Variants in IQGAP1 observed in about 807,000 individuals in gnomAD.
The protein encoded by IQGAP1 is ras GTPase-activating-like protein IQGAP1.
IQGAP1 carries 66 observed loss-of-function variants against 215.6 expected under a neutral mutation model. The observed-to-expected ratio is 0.31, with a 90% confidence interval of 0.25 to 0.38. The LOEUF is 0.38. Ranked by LOEUF, IQGAP1 falls within the 10% of genes least tolerant of loss-of-function variation. The probability of loss-of-function intolerance (pLI) is 1.00; values close to 1 mark genes in which losing one functional copy is unlikely to be tolerated. For missense variants in IQGAP1, 1,712 were observed against 1,997.1 expected (o/e 0.86, Z 2.72); for synonymous variants, 772 against 728.7 (o/e 1.06, Z -0.96).
At position 90,419,912 on chromosome 15, in the gene IQGAP1, G is replaced by A. The variant is rs532025432; in HGVS notation, c.156-6198G>A. Among the ~76,000 whole-genome samples, 9 of 152,284 alleles carry A rather than the reference G, an allele frequency of 5.9e-5. No individual in the cohort carries two copies. In the South Asian group the frequency reaches 1.9e-3, roughly 32 times the overall value. On this transcript the variant is annotated intron_variant, in intron 2 of 37. Coordinates refer to ENST00000268182, the MANE Select transcript of IQGAP1 (RefSeq NM_003870.4). Reference sequence around the variant, plus strand: ...CAGAGATGAGCAAAAGACGTGAGGGGGCAGAGATGATGTCTAACACTGCTA... The same window carrying A: ...CAGAGATGAGCAAAAGACGTGAGGGAGCAGAGATGATGTCTAACACTGCTA...
rs756914832 is a variant in IQGAP1 at position 90,466,456 on chromosome 15, A to T, written c.2035+20A>T. 3.1e-6 allele frequency: 5 copies of T among 1,612,894 alleles called. No homozygotes were observed. Among genetic ancestry groups the T allele is most frequent in the African/African-American group, 1.3e-5 (1 of 74,992 alleles). On this transcript the variant is annotated intron_variant, in intron 17 of 37. Transcript: ENST00000268182. ...CAGTAGGTGAGTTCTGGGATAATACATATGTGCCCTGAAGCTAACCCTTGA... is the reference window on the plus strand; with the variant it reads ...CAGTAGGTGAGTTCTGGGATAATACTTATGTGCCCTGAAGCTAACCCTTGA...
At chr15:90,473,095 A>G (rs1965928386) in intron 19 of IQGAP1, 85 bp downstream of exon 19, 4 of 1,330,600 alleles carry the variant, frequency 3.0e-6, no homozygotes, top group African/African-American at 1.5e-5. Context: ...TGACTGTCTG[A>G]GTGTGTTTTT....
intron 2 of IQGAP1, 183 bp downstream of exon 2, chr15:90,391,056 T>C: frequency 2.0e-6 from 1 of 509,234 alleles, no homozygotes; most frequent in Non-Finnish European, 3.6e-6. Flanking sequence ...GGCAACATAG[T>C]GACACCCCAT....
intron 3 of IQGAP1, among the ~76,000 whole-genome samples, chr15:90,428,952 C>A (rs1338883246): frequency 6.6e-6 from 1 of 152,094 alleles, no homozygotes; most frequent in Non-Finnish European, 1.5e-5. Context: ...CTCCCAGGTT[C>A]AACGATTCTC....
intron 13 of IQGAP1, 114 bp from the exon 14 acceptor site, chr15:90,454,314 C>T: frequency 8.0e-7 from 1 of 1,251,442 alleles, no homozygotes; most frequent in Non-Finnish European, 1.1e-6. Context: ...CTGTGCAGTT[C>T]CAAAACTGGT....
intron 18 of IQGAP1, among the ~76,000 whole-genome samples, chr15:90,470,496 G>A (rs1370271547): frequency 6.6e-6 from 1 of 152,072 alleles, no homozygotes; most frequent in African/African-American, 2.4e-5. Flanking sequence ...GCTGGCCCAA[G>A]GACTGTATTT....
intron 4 of IQGAP1, among the ~76,000 whole-genome samples, chr15:90,431,988 T>C (rs1243940850): frequency 6.6e-6 from 1 of 152,224 alleles, no homozygotes; most frequent in Non-Finnish European, 1.5e-5. Context: ...AGTCCTGTTT[T>C]CTTTAATTAT....
At position 90,483,409 on chromosome 15, in the gene IQGAP1, G is replaced by T; in HGVS notation, c.3604G>T (p.Ala1202Ser). Residue 1202 changes from alanine (A) to serine (S), a missense_variant, in exon 29 of 38, where the codon GCT becomes TCT. By Grantham distance (99) the Ala-to-Ser change is moderately conservative. Around this residue, in one of 2 missense-constraint regions of IQGAP1, gnomAD observed 691 missense variants for 923.0 expected, o/e 0.75. Transcript: ENST00000268182. Reference sequence around the variant, plus strand: ...TCGATACATGAATCCAGCCATTGTTGCTCCTGATGCCTTTGACATCATTGA... The same window carrying T: ...TCGATACATGAATCCAGCCATTGTTTCTCCTGATGCCTTTGACATCATTGA... ...YYRYMNPAIV[A>S]PDAFDIIDLS... 1 of 1,614,066 alleles carries T rather than the reference G, an allele frequency of 6.2e-7. No homozygotes were observed. The highest frequency in any genetic ancestry group is 8.5e-7 in the Non-Finnish European group (1 of 1,180,014).
chr15:90,492,746 G>A, intron 35 of IQGAP1, 35 bp downstream of exon 35: 1 of 1,557,134 alleles, frequency 6.4e-7, no homozygotes, highest in East Asian at 2.3e-5. Flanking sequence ...ATCAATGTCA[G>A]AATTAGAGTG....
At chr15:90,403,470 T>C (rs899118054) in intron 2 of IQGAP1, among the ~76,000 whole-genome samples, 1 of 152,232 alleles carries the variant, frequency 6.6e-6, no homozygotes, top group African/African-American at 2.4e-5. Context: ...ACAGACGTGA[T>C]ACATAATTCA....
rs148489814 is a variant in IQGAP1, at chr15:90,488,230, T to TAAATA, written c.4248+650_4248+651insATAAA. On this transcript the variant is annotated intron_variant, in intron 33 of 37. Transcript: ENST00000268182. ...AGCGAGACTCCGTCTCAAAAAATAA[T>TAAATA]AATAAATAAATAAATAAATAAATAA... 7.4e-3 allele frequency among the ~76,000 whole-genome samples: 1,087 copies of TAAATA among 147,680 alleles called. 13 individuals are homozygous for TAAATA. Among genetic ancestry groups the TAAATA allele is most frequent in the African/African-American group, 0.026 (1,033 of 39,942 alleles).
intron 33 of IQGAP1, among the ~76,000 whole-genome samples, chr15:90,488,738 T>G (rs1054582573): frequency 6.6e-6 from 1 of 151,978 alleles, no homozygotes; most frequent in African/African-American, 2.4e-5. Context: ...TGGAAAGGAT[T>G]TGGGTGTGCA....
In IQGAP1 at chr15:90,426,235, A is replaced by C. The variant is rs777037586; in HGVS notation, c.281A>C (p.Lys94Thr). 6.2e-7 allele frequency: 1 copy of C among 1,603,454 alleles called. No individual in the cohort carries two copies. Among genetic ancestry groups the C allele is most frequent in the Non-Finnish European group, 8.5e-7 (1 of 1,177,028 alleles). The stretch of plus-strand genomic sequence containing the variant: ...TCTCCCAAAGTAGTGTCCCTGAAAA[A>C]AATCTATGATCGAGAACAGACCAGA... ...FFSPKVVSLK[K>T]IYDREQTRYK... The change falls in exon 3 of 38, where the codon AAA becomes ACA. Residue 94 changes from lysine (K) to threonine (T), a missense_variant. Physicochemically the swap from Lys to Thr is moderately conservative, Grantham distance 78. Transcript: ENST00000268182.
intron 18 of IQGAP1, among the ~76,000 whole-genome samples, chr15:90,468,778 C>T (rs1044938088): frequency 1.6e-4 from 25 of 152,066 alleles, no homozygotes; most frequent in Non-Finnish European, 1.3e-4. Flanking sequence ...CTGTAACGAG[C>T]CATGATCACA....
At chr15:90,413,701 A>G (rs1441371877) in intron 2 of IQGAP1, among the ~76,000 whole-genome samples, 1 of 152,222 alleles carries the variant, frequency 6.6e-6, no homozygotes, top group Non-Finnish European at 1.5e-5. Flanking sequence ...TTCCTCAGAT[A>G]AGAAGTTTTG....
rs1993161 is a variant in IQGAP1 at position 90,425,084 on chromosome 15, C to G, written c.156-1026C>G. On this transcript the variant is annotated intron_variant, in intron 2 of 37. Coordinates refer to ENST00000268182, the MANE Select transcript of IQGAP1 (RefSeq NM_003870.4). ...CAGCACTTTGGGAGGCTGAGGTGGGCGGATCACTTGAGGTCAGGAGTTTGA... is the reference window on the plus strand; with the variant it reads ...CAGCACTTTGGGAGGCTGAGGTGGGGGGATCACTTGAGGTCAGGAGTTTGA... Among the ~76,000 whole-genome samples, 5 of 151,568 alleles carry G rather than the reference C, an allele frequency of 3.3e-5. No homozygotes were observed. In the South Asian group the frequency reaches 6.3e-4, roughly 19 times the overall value.
chr15:90,406,387 G>A (rs1046224430), intron 2 of IQGAP1, among the ~76,000 whole-genome samples: 2 of 152,194 alleles, frequency 1.3e-5, no homozygotes, highest in Non-Finnish European at 2.9e-5. Flanking sequence ...GGATAGTCTT[G>A]ATCTCCTGAC....
At chr15:90,405,135 C>T (rs1223829864) in intron 2 of IQGAP1, among the ~76,000 whole-genome samples, 1 of 151,956 alleles carries the variant, frequency 6.6e-6, no homozygotes, top group African/African-American at 2.4e-5. Context: ...GCTTTTTTGA[C>T]TTTTGAATCG....
rs951002276 is a variant in IQGAP1, at chr15:90,424,838, TA to T, written c.156-1259del. ...TGGGCAACAGAGTGAGACTCCAACT[TA>T]AAAAAAAAAAAATTGAGTGAAATAA... On this transcript the variant is annotated intron_variant, in intron 2 of 37. Coordinates refer to ENST00000268182, the MANE Select transcript of IQGAP1 (RefSeq NM_003870.4). Among the ~76,000 whole-genome samples the T allele has an allele frequency of 4.0e-3, 564 of 140,986 alleles. 4 individuals carry two copies. Among genetic ancestry groups the T allele is most frequent in the African/African-American group, 9.9e-3 (382 of 38,532 alleles). The allele number at this position is 140,986 out of a possible 152,430, so 92.5% of individuals were successfully genotyped here.
Sources: gnomAD v4.1 joint callset for allele counts (sites outside exome capture counted in the v4.1 genomes callset) on GRCh38, gnomAD v4.1.1 for gene constraint, gnomAD v4.1.1 regional missense constraint, MANE v1.5 for transcripts, NCBI Gene and HGNC (gene_info 2026-07-23, HGNC 2026-07-21) for gene names.